CEP63: variants seen among roughly 807,000 people sequenced by gnomAD.
CEP63 encodes the protein centrosomal protein of 63 kDa.
Under a neutral mutation model 89.1 loss-of-function variants are expected in CEP63, and 84 were observed. The ratio of observed to expected loss-of-function variants is 0.94; its 90% CI spans 0.79 to 1.13. The LOEUF (loss-of-function observed/expected upper bound fraction) is 1.13. Among genes scored for constraint, CEP63 ranks in the 50% most tolerant of loss-of-function variants. The probability of loss-of-function intolerance (pLI) is 0.00; values close to 1 mark genes in which losing one functional copy is unlikely to be tolerated. For missense variants in CEP63, 838 were observed against 813.3 expected (o/e 1.03, Z -0.37); for synonymous variants, 267 against 272.5 (o/e 0.98, Z 0.20).
chr3:134,507,927 A>G (rs1943881676), intron 3 of CEP63, among the ~76,000 whole-genome samples: 2 of 152,182 alleles, frequency 1.3e-5, no homozygotes, highest in African/African-American at 4.8e-5. Context: ...GAAAGCATTT[A>G]TGTGTGAGAG....
At chr3:134,754,356 C>T in the CEP63 span, among the ~76,000 whole-genome samples, 62 of 152,336 alleles carry the variant, frequency 4.1e-4, no homozygotes, top group Non-Finnish European at 6.6e-4. Flanking sequence ...ACTCAGAAGG[C>T]CAGCATTTTC....
At position 134,532,862 on chromosome 3, in the gene CEP63, G is replaced by A. The variant is rs139536810; in HGVS notation, c.403G>A (p.Asp135Asn). 6.2e-7 allele frequency: 1 copy of A among 1,613,816 alleles called. No individual in the cohort carries two copies. The highest frequency in any genetic ancestry group is 1.1e-5 in the South Asian group (1 of 91,066). ...FRGNTKNHRE[D>N]RSEIERLTAK... Reference sequence around the variant, plus strand: ...AGGAAATACCAAAAATCACAGGGAAGATCGGTCTGAAATTGAGAGGTTAAC... The same window carrying A: ...AGGAAATACCAAAAATCACAGGGAAAATCGGTCTGAAATTGAGAGGTTAAC... Residue 135 changes from aspartate (D) to asparagine (N), a missense_variant, in exon 5 of 15, where the codon GAT becomes AAT. Asp to Asn is a conservative substitution (Grantham distance 23, BLOSUM62 1). Coordinates refer to ENST00000675561, the MANE Select transcript of CEP63 (RefSeq NM_001353108.3).
chr3:134,620,771 C>G, the CEP63 span: 1 of 1,613,646 alleles, frequency 6.2e-7, no homozygotes, highest in Non-Finnish European at 8.5e-7. Flanking sequence ...AGATCCAGAT[C>G]CAGATGGCGC....
chr3:134,660,189 C>G, the CEP63 span, among the ~76,000 whole-genome samples: 1 of 152,252 alleles, frequency 6.6e-6, no homozygotes, highest in East Asian at 1.9e-4. Context: ...GGGGCATGTT[C>G]AATTCCTGTG....
chr3:134,746,164 G>A, the CEP63 span, among the ~76,000 whole-genome samples: 1 of 151,388 alleles, frequency 6.6e-6, no homozygotes, highest in East Asian at 2.0e-4. Flanking sequence ...GTGAGAACAT[G>A]TGGTGTTTGG....
chr3:134,511,865 G>C (rs992520933), intron 3 of CEP63, among the ~76,000 whole-genome samples: 3 of 152,184 alleles, frequency 2.0e-5, no homozygotes, highest in African/African-American at 7.2e-5. Context: ...AGTTCAACAT[G>C]AGATTTGGGT....
chr3:134,693,996 T>C, the CEP63 span, among the ~76,000 whole-genome samples: 7 of 152,270 alleles, frequency 4.6e-5, no homozygotes, highest in Admixed American at 3.9e-4. Flanking sequence ...TTGGCAGCCA[T>C]CCCACGGGCA....
the CEP63 span, among the ~76,000 whole-genome samples, chr3:134,723,832 A>G: frequency 6.6e-6 from 1 of 152,324 alleles, no homozygotes; most frequent in East Asian, 1.9e-4. Context: ...CTGGTGGACA[A>G]TGACAGTATA....
downstream of CEP63, among the ~76,000 whole-genome samples, chr3:134,576,387 C>T (rs1958212250): frequency 6.6e-6 from 1 of 152,190 alleles, no homozygotes. Flanking sequence ...AAGATGCCAG[C>T]ACAGAAGACA....
At chr3:134,718,932 G>A in the CEP63 span, among the ~76,000 whole-genome samples, 1 of 152,130 alleles carries the variant, frequency 6.6e-6, no homozygotes, top group Admixed American at 6.5e-5. Flanking sequence ...TTGAGGTTAT[G>A]GTTATATAAA....
intron 11 of CEP63, among the ~76,000 whole-genome samples, chr3:134,573,273 T>C (rs904082930): frequency 2.6e-5 from 4 of 152,200 alleles, no homozygotes; most frequent in Non-Finnish European, 5.9e-5. Context: ...CACTTGTCAA[T>C]TTTTGTTTTT....
At chr3:134,665,871 T>A in the CEP63 span, among the ~76,000 whole-genome samples, 1 of 149,204 alleles carries the variant, frequency 6.7e-6, no homozygotes, top group African/African-American at 2.5e-5. Context: ...ACAAAGACAC[T>A]AAGAATGAGG....
chr3:134,643,256 G>C, the CEP63 span: 1 of 1,535,652 alleles, frequency 6.5e-7, no homozygotes, highest in South Asian at 1.1e-5. Context: ...TCGCTGGCCA[G>C]AGCATCAGGT....
chr3:134,608,452 C>T, the CEP63 span: 2 of 1,522,460 alleles, frequency 1.3e-6, no homozygotes, highest in Non-Finnish European at 1.8e-6. Flanking sequence ...GGCCTATGGC[C>T]CTTCCCTGCC....
chr3:134,698,053 C>G, the CEP63 span, among the ~76,000 whole-genome samples: 393 of 152,340 alleles, frequency 2.6e-3, 1 homozygote, highest in African/African-American at 9.0e-3. Flanking sequence ...CCATTCTGCT[C>G]AGGGTGTCTG....
the CEP63 span, among the ~76,000 whole-genome samples, chr3:134,701,229 CGT>C: frequency 3.6e-5 from 5 of 137,176 alleles, no homozygotes; most frequent in Non-Finnish European, 3.1e-5. Context: ...TGTATATATA[CGT>C]ATATATACAC....
intron 3 of CEP63, among the ~76,000 whole-genome samples, chr3:134,522,033 CTT>C (rs1171076873): frequency 6.6e-6 from 1 of 152,090 alleles, no homozygotes; most frequent in African/African-American, 2.4e-5. Flanking sequence ...CTTTTAGTCT[CTT>C]TTCTTTGTAT....
chr3:134,615,050 A>G, the CEP63 span: 2 of 152,196 alleles, frequency 1.3e-5, no homozygotes, highest in African/African-American at 4.8e-5. Context: ...ATCTTTCACA[A>G]TTTATGTACT....
At chr3:134,695,724 T>C in the CEP63 span, among the ~76,000 whole-genome samples, 1 of 152,144 alleles carries the variant, frequency 6.6e-6, no homozygotes, top group Non-Finnish European at 1.5e-5. Flanking sequence ...CCTAGGAAAC[T>C]GATTAGAGGG....
Sources: allele counts gnomAD v4.1 joint callset (sites outside exome capture counted in the v4.1 genomes callset), GRCh38; gene constraint gnomAD v4.1.1; transcripts MANE v1.5; gene names NCBI Gene and HGNC (gene_info 2026-07-23, HGNC 2026-07-21).